The following CHN2 variants were observed in gnomAD, a reference collection of about 807,000 sequenced individuals.
CHN2 encodes chimerin 2, also known as beta-chimaerin.
A neutral mutation model predicts 56.3 loss-of-function variants in CHN2; 35 were observed. The observed-to-expected ratio is 0.62, with a 90% CI of 0.47 to 0.82. The LOEUF (loss-of-function observed/expected upper bound fraction) is 0.82, where lower values mean the gene tolerates loss of function less well. CHN2 is among the 40% of genes least tolerant of loss of function. CHN2 has a pLI of 0.00. For synonymous variants in CHN2, 210 were observed against 212.8 expected, an observed-to-expected ratio of 0.99 and a Z score of 0.12; for missense variants, 491 against 580.5, an observed-to-expected ratio of 0.85 and a Z score of 1.58.
chr7:29,421,294 C>G (rs1273266127), intron 6 of CHN2, among the ~76,000 whole-genome samples: 6 of 152,160 alleles, frequency 3.9e-5, no homozygotes, highest in South Asian at 2.1e-4. Context: ...AGATCTTCAG[C>G]CTACCCAAGG....
At chr7:29,198,848 G>A (rs921941493) in intron 1 of CHN2, among the ~76,000 whole-genome samples, 1 of 152,122 alleles carries the variant, frequency 6.6e-6, no homozygotes, top group African/African-American at 2.4e-5. Context: ...AAATAAAGAA[G>A]ATATGAGATG....
At chr7:29,381,014 C>A (rs778137595) in intron 3 of CHN2, among the ~76,000 whole-genome samples, 14 of 152,052 alleles carry the variant, frequency 9.2e-5, no homozygotes, top group African/African-American at 2.7e-4. Context: ...CACTGAAGAC[C>A]AAAAGAAAGG....
intron 1 of CHN2, among the ~76,000 whole-genome samples, chr7:29,350,051 T>C (rs1380037674): frequency 6.6e-6 from 1 of 152,226 alleles, no homozygotes; most frequent in Non-Finnish European, 1.5e-5. Flanking sequence ...ATTTTTTCTT[T>C]TAAGCCTCAC....
At chr7:29,228,163 C>CACAA (rs1562847576) in intron 1 of CHN2, among the ~76,000 whole-genome samples, 1 of 150,322 alleles carries the variant, frequency 6.7e-6, no homozygotes, top group Admixed American at 6.6e-5. Context: ...TATATATACA[C>CACAA]ACACACACAC....
chr7:29,240,722 G>A (rs961168561), intron 1 of CHN2, among the ~76,000 whole-genome samples: 12 of 152,022 alleles, frequency 7.9e-5, no homozygotes, highest in Non-Finnish European at 1.8e-4. Context: ...GGGGGCGGTG[G>A]GGAGTGGGAG....
chr7:29,423,149 AG>A (rs1804515236), intron 6 of CHN2, among the ~76,000 whole-genome samples: 1 of 152,234 alleles, frequency 6.6e-6, no homozygotes, highest in Non-Finnish European at 1.5e-5. Context: ...ATAGAATGTT[AG>A]CACCCAGGGT....
intron 1 of CHN2, among the ~76,000 whole-genome samples, chr7:29,330,713 C>T (rs1796149887): frequency 6.6e-6 from 1 of 152,178 alleles, no homozygotes; most frequent in Non-Finnish European, 1.5e-5. Flanking sequence ...AACCCCTTAA[C>T]TTTGAAGCCT....
At chr7:29,477,306 T>C (rs190251039) in intron 6 of CHN2, among the ~76,000 whole-genome samples, 143 of 152,254 alleles carry the variant, frequency 9.4e-4, no homozygotes, top group Middle Eastern at 3.4e-3. Context: ...AATCAATAGC[T>C]GAAAAAGAAA....
At chr7:29,146,907 G>C (rs1170820165) in exon 2 of CHN2, 1 of 1,551,086 alleles carries the variant, frequency 6.4e-7, no homozygotes, top group African/African-American at 1.4e-5. Context: ...GATTCCCACT[G>C]TTTAAAAAGG....
chr7:29,466,626 C>G (rs1785575393), intron 6 of CHN2, among the ~76,000 whole-genome samples: 1 of 152,110 alleles, frequency 6.6e-6, no homozygotes, highest in Non-Finnish European at 1.5e-5. Flanking sequence ...TTAATACCTG[C>G]TAGATTAAGA....
intron 1 of CHN2, among the ~76,000 whole-genome samples, chr7:29,310,448 C>T (rs547969757): frequency 1.4e-4 from 22 of 152,170 alleles, no homozygotes; most frequent in African/African-American, 4.8e-4. Context: ...AAGATTGAAA[C>T]GGGATGCTTA....
At chr7:29,278,030 G>T (rs570090767) in intron 1 of CHN2, among the ~76,000 whole-genome samples, 1 of 152,240 alleles carries the variant, frequency 6.6e-6, no homozygotes, top group East Asian at 1.9e-4. Flanking sequence ...TGAAGATGCA[G>T]ATCAGGCCTG....
intron 3 of CHN2, among the ~76,000 whole-genome samples, chr7:29,388,772 A>T (rs1237788892): frequency 2.6e-5 from 4 of 152,196 alleles, no homozygotes; most frequent in African/African-American, 9.7e-5. Context: ...AGTGCAGAGG[A>T]TGAACATAGG....
chr7:29,388,766 C>T (rs1330327136), intron 3 of CHN2, among the ~76,000 whole-genome samples: 1 of 152,054 alleles, frequency 6.6e-6, no homozygotes, highest in Non-Finnish European at 1.5e-5. Context: ...TTGATGAGTG[C>T]AGAGGATGAA....
chr7:29,390,608 T>C (rs1801287609), intron 3 of CHN2, among the ~76,000 whole-genome samples: 1 of 152,258 alleles, frequency 6.6e-6, no homozygotes, highest in East Asian at 1.9e-4. Context: ...GTTGCCTTAC[T>C]TTTTATTTAT....
intron 6 of CHN2, among the ~76,000 whole-genome samples, chr7:29,442,728 C>T (rs975618086): frequency 6.6e-6 from 1 of 152,068 alleles, no homozygotes. Flanking sequence ...TCAATTTATA[C>T]TGGGCATGTA....
intron 2 of CHN2, among the ~76,000 whole-genome samples, chr7:29,160,016 C>T (rs1486458257): frequency 6.6e-6 from 1 of 152,176 alleles, no homozygotes; most frequent in Admixed American, 6.5e-5. Context: ...TGTCCATCAG[C>T]ACACAGTGTT....
At chr7:29,196,564 A>G (rs555039898) in intron 1 of CHN2, among the ~76,000 whole-genome samples, 46 of 152,348 alleles carry the variant, frequency 3.0e-4, no homozygotes, top group African/African-American at 1.1e-3. Context: ...TTCTATTAGC[A>G]TATGGTTATC....
intron 1 of CHN2, among the ~76,000 whole-genome samples, chr7:29,245,601 A>G (rs1419145152): frequency 1.3e-5 from 2 of 152,354 alleles, no homozygotes; most frequent in East Asian, 1.9e-4. Context: ...GCAAGGTATT[A>G]TCATCACTAT....
Sources: allele counts gnomAD v4.1 joint callset (sites outside exome capture counted in the v4.1 genomes callset), GRCh38; gene constraint gnomAD v4.1.1; transcripts MANE v1.5; gene names NCBI Gene and HGNC (gene_info 2026-07-23, HGNC 2026-07-21).